Variants in GNA11 observed in about 807,000 individuals in gnomAD.
GNA11 encodes the protein guanine nucleotide-binding protein subunit alpha-11.
A neutral mutation model predicts 38.2 loss-of-function variants in GNA11; 8 were observed. The ratio of observed to expected loss-of-function variants is 0.21; its 90% CI spans 0.12 to 0.38. The LOEUF (loss-of-function observed/expected upper bound fraction) is 0.38, where lower values mean the gene tolerates loss of function less well. Ranked by LOEUF, GNA11 falls within the 10% of genes least tolerant of loss-of-function variation. The pLI is 1.00. For synonymous variants in GNA11, 211 were observed against 221.4 expected (o/e 0.95, Z 0.42); for missense variants, 268 against 516.3 (o/e 0.52, Z 4.66).
At chr19:3,104,582 C>T (rs889803391) in intron 1 of GNA11, among the ~76,000 whole-genome samples, 2 of 152,324 alleles carry the variant, frequency 1.3e-5, no homozygotes, top group East Asian at 1.9e-4. Context: ...TCCATCCTGA[C>T]GGGCACTGGA....
At chr19:3,107,319 G>C (rs760233677) in intron 1 of GNA11, among the ~76,000 whole-genome samples, 1 of 152,104 alleles carries the variant, frequency 6.6e-6, no homozygotes, top group Non-Finnish European at 1.5e-5. Flanking sequence ...ACTCCTTCTC[G>C]GCCGTCTTGG....
intron 1 of GNA11, among the ~76,000 whole-genome samples, chr19:3,098,292 C>A (rs1015433591): frequency 4.6e-5 from 7 of 152,366 alleles, no homozygotes; most frequent in Admixed American, 3.3e-4. Flanking sequence ...CCGCCTCCGT[C>A]CGCGCCGCCG....
chr19:3,113,165 C>T (rs1041517357), intron 2 of GNA11, among the ~76,000 whole-genome samples, 165 bp from the exon 3 acceptor site: 2 of 152,224 alleles, frequency 1.3e-5, no homozygotes, highest in East Asian at 1.9e-4. Flanking sequence ...GGCGGCCTCG[C>T]GTTTTTCTGA....
At chr19:3,096,664 G>T (rs1279744380) in intron 1 of GNA11, among the ~76,000 whole-genome samples, 3 of 152,130 alleles carry the variant, frequency 2.0e-5, no homozygotes, top group Admixed American at 2.0e-4. Context: ...CCCGCCTGTG[G>T]CCCGGGGGTG....
rs923602827 is a variant in GNA11, at chr19:3,119,651, C to T, written c.889+292C>T. Among the ~76,000 whole-genome samples, 6 of 137,172 alleles carry T rather than the reference C, an allele frequency of 4.4e-5. No homozygotes were observed. Among genetic ancestry groups the T allele is most frequent in the South Asian group, 2.4e-4 (1 of 4,206 alleles). The allele number at this position is 137,172 out of a possible 152,430, so 90.0% of individuals were successfully genotyped here. ...GGAGGGGTCTCGGGCAGGGGGATCT[C>T]GGGTGGGAGGAGTCTTGTACAAGGA... is the stretch of plus-strand genomic sequence containing the variant. On this transcript the variant is annotated intron_variant, in intron 6 of 6. Coordinates refer to ENST00000078429, the MANE Select transcript of GNA11 (RefSeq NM_002067.5). This position sits in a 1 kb window ranked among gnomAD's most constrained non-coding sequence, Gnocchi z 4.6.
chr19:3,111,110 T>C (rs746785951), intron 2 of GNA11, among the ~76,000 whole-genome samples: 3 of 150,856 alleles, frequency 2.0e-5, no homozygotes, highest in Non-Finnish European at 4.4e-5. Context: ...CTGGTTTTTT[T>C]TCTTTTTTTT....
In GNA11 at chr19:3,122,657, A is replaced by G. The variant is rs16989608; in HGVS notation, c.*1478A>G. The stretch of plus-strand genomic sequence containing the variant: ...CTTCGCACAGCTGTCCCAGGGATGG[A>G]TCGCCTGTGCTGCCTTCGCCCGCCG... On this transcript the variant is annotated 3_prime_UTR_variant, in exon 7 of 7. Transcript: ENST00000078429. This position sits in a 1 kb window ranked among gnomAD's most constrained non-coding sequence, Gnocchi z 7.7. The G allele has an allele frequency of 0.31, 71,508 of 233,230 alleles. 11,636 individuals are homozygous for G. Among genetic ancestry groups the G allele is most frequent in the Non-Finnish European group, 0.35 (40,780 of 118,120 alleles). The allele number at this position is 233,230 out of a possible 1,614,324, so 14.4% of individuals were successfully genotyped here. A position where few individuals can be genotyped will look rare whatever the true frequency, so the allele number is the denominator to read the frequency against.
rs560102568 is a variant in GNA11, at chr19:3,119,560, G to A, written c.889+201G>A. ...TGTACGGGAATGAGTTCTCCGACGC[G>A]GGTGTCTCATACCCGTGGGAGATCT... On this transcript the variant is annotated intron_variant, in intron 6 of 6. Coordinates refer to ENST00000078429, the MANE Select transcript of GNA11 (RefSeq NM_002067.5). The surrounding 1 kb of genome is among the most constrained non-coding windows in gnomAD (Gnocchi z 4.6). 6.7e-6 allele frequency among the ~76,000 whole-genome samples: 1 copy of A among 150,324 alleles called. No individual in the cohort carries two copies. The highest frequency in any genetic ancestry group is 2.1e-4 in the South Asian group (1 of 4,678).
chr19:3,123,907 G>C lies in GNA11; in HGVS notation c.*2728G>C, dbSNP rs1440483609. The C allele has an allele frequency of 4.3e-6, 1 of 232,332 alleles. No individual in the cohort carries two copies. The highest frequency in any genetic ancestry group is 8.5e-6 in the Non-Finnish European group (1 of 117,516). 14.4% of individuals were successfully genotyped at this position (232,332 alleles called of 1,614,324 possible). On this transcript the variant is annotated 3_prime_UTR_variant, in exon 7 of 7. Coordinates refer to ENST00000078429, the MANE Select transcript of GNA11 (RefSeq NM_002067.5). ...GTCACCTCCCACAGCCACCGGCCCT[G>C]ACCCTTAATCCAGACACCGATGGAA...
Position 3,110,403 on chromosome 19 carries a change from G to A in GNA11, c.321+70G>A, listed in dbSNP as rs992122997. On this transcript the variant is annotated intron_variant, in intron 2 of 6. Coordinates refer to ENST00000078429, the MANE Select transcript of GNA11 (RefSeq NM_002067.5). This position sits in a 1 kb window ranked among gnomAD's most constrained non-coding sequence, Gnocchi z 5.4. ...GGGCTTGGTGGTGAGCATGGTGGCC[G>A]CGCTGCCAGGGTGGGGCCATGCCGG... 1.6e-5 allele frequency: 21 copies of A among 1,301,490 alleles called. No homozygotes were observed. The highest frequency in any genetic ancestry group is 5.1e-5 in the South Asian group (4 of 78,486). The allele number at this position is 1,301,490 out of a possible 1,614,324, so 80.6% of individuals were successfully genotyped here.
chr19:3,103,670 C>T (rs978174944), intron 1 of GNA11, among the ~76,000 whole-genome samples: 11 of 151,360 alleles, frequency 7.3e-5, no homozygotes, highest in East Asian at 3.9e-4. Flanking sequence ...GGATTACAAG[C>T]GCCCACTGCC....
At chr19:3,109,606 G>A (rs2145314834) in intron 1 of GNA11, among the ~76,000 whole-genome samples, 1 of 152,348 alleles carries the variant, frequency 6.6e-6, no homozygotes, top group South Asian at 2.1e-4. Flanking sequence ...AGCCTCGTGG[G>A]TGCTTGGTGC....
In GNA11 at chr19:3,120,910, C is replaced by T; in HGVS notation, c.890-79C>T. ...GCCGTGGGCCTTACTCGCTCATCCC[C>T]TGGGAGTGACAAAGGGGCCCACGAG... On this transcript the variant is annotated intron_variant, in intron 6 of 6. Coordinates refer to ENST00000078429, the MANE Select transcript of GNA11 (RefSeq NM_002067.5). This position sits in a 1 kb window ranked among gnomAD's most constrained non-coding sequence, Gnocchi z 5.9. 9.1e-7 allele frequency: 1 copy of T among 1,097,790 alleles called. No individual in the cohort carries two copies. The highest frequency in any genetic ancestry group is 1.3e-6 in the Non-Finnish European group (1 of 745,782). 68.0% of individuals were successfully genotyped at this position (1,097,790 alleles called of 1,614,324 possible). A position where few individuals can be genotyped will look rare whatever the true frequency, so the allele number is the denominator to read the frequency against.
At position 3,121,838 on chromosome 19, in the gene GNA11, T is replaced by A. The variant is rs1161259727; in HGVS notation, c.*659T>A. 1 of 199,438 alleles carries A rather than the reference T, an allele frequency of 5.0e-6. No homozygotes were observed. Among genetic ancestry groups the A allele is most frequent in the African/African-American group, 2.3e-5 (1 of 43,190 alleles). 12.4% of individuals were successfully genotyped at this position (199,438 alleles called of 1,614,324 possible). The stretch of plus-strand genomic sequence containing the variant: ...GCCCACCCTGGGAAGTGCCTAACCT[T>A]TTATTTTATTTTATTTTTTTGAGGA... On this transcript the variant is annotated 3_prime_UTR_variant, in exon 7 of 7. Coordinates refer to ENST00000078429, the MANE Select transcript of GNA11 (RefSeq NM_002067.5).
At chr19:3,095,357 C>T (rs535278298) in intron 1 of GNA11, among the ~76,000 whole-genome samples, 2 of 152,242 alleles carry the variant, frequency 1.3e-5, no homozygotes, top group African/African-American at 4.8e-5. Flanking sequence ...GACCTTACCC[C>T]ACCGGAGTAC....
chr19:3,106,632 G>A (rs1378631288), intron 1 of GNA11, among the ~76,000 whole-genome samples: 2 of 117,324 alleles, frequency 1.7e-5, no homozygotes, highest in Non-Finnish European at 3.6e-5. Context: ...CCCAGCGGGA[G>A]TGGTGCACAT....
In GNA11 at chr19:3,110,422, A is replaced by G. The variant is rs1052126676; in HGVS notation, c.321+89A>G. On this transcript the variant is annotated intron_variant, in intron 2 of 6. Coordinates refer to ENST00000078429, the MANE Select transcript of GNA11 (RefSeq NM_002067.5). This position sits in a 1 kb window ranked among gnomAD's most constrained non-coding sequence, Gnocchi z 5.4. Reference sequence around the variant, plus strand: ...GTGGCCGCGCTGCCAGGGTGGGGCCATGCCGGGGGTCCCGGCCGGCCCAGG... The same window carrying G: ...GTGGCCGCGCTGCCAGGGTGGGGCCGTGCCGGGGGTCCCGGCCGGCCCAGG... The G allele has an allele frequency of 1.2e-5, 13 of 1,095,722 alleles. No individual in the cohort carries two copies. The African/African-American group carries it at 2.0e-4, about 17-fold the overall frequency. 67.9% of individuals were successfully genotyped at this position (1,095,722 alleles called of 1,614,324 possible). A position where few individuals can be genotyped will look rare whatever the true frequency, so the allele number is the denominator to read the frequency against.
At chr19:3,098,166 T>G (rs996880985) in intron 1 of GNA11, among the ~76,000 whole-genome samples, 1 of 152,266 alleles carries the variant, frequency 6.6e-6, no homozygotes, top group Non-Finnish European at 1.5e-5. Flanking sequence ...TGTATTGTTT[T>G]ATACCCGTGG....
chr19:3,110,404 C>T lies in GNA11; in HGVS notation c.321+71C>T, dbSNP rs557415284. The T allele has an allele frequency of 1.5e-3, 1,965 of 1,308,138 alleles. 5 individuals are homozygous for T. The highest frequency in any genetic ancestry group is 2.1e-3 in the South Asian group (167 of 78,712). The allele number at this position is 1,308,138 out of a possible 1,614,324, so 81.0% of individuals were successfully genotyped here. On this transcript the variant is annotated intron_variant, in intron 2 of 6. Coordinates refer to ENST00000078429, the MANE Select transcript of GNA11 (RefSeq NM_002067.5). This position sits in a 1 kb window ranked among gnomAD's most constrained non-coding sequence, Gnocchi z 5.4. ...GGCTTGGTGGTGAGCATGGTGGCCG[C>T]GCTGCCAGGGTGGGGCCATGCCGGG...
Sources: allele counts gnomAD v4.1 joint callset (sites outside exome capture counted in the v4.1 genomes callset), GRCh38; gene constraint gnomAD v4.1.1; non-coding constraint Gnocchi (gnomAD v3.1); transcripts MANE v1.5; gene names NCBI Gene and HGNC (gene_info 2026-07-23, HGNC 2026-07-21).